The following EPHA10 variants were observed in gnomAD, a reference collection of about 807,000 sequenced individuals.
EPHA10 encodes ephrin type-A receptor 10.
Under a neutral mutation model 109.7 loss-of-function variants are expected in EPHA10, and 120 were observed. The observed-to-expected ratio is 1.09, with a 90% confidence interval of 0.94 to 1.27. The LOEUF (loss-of-function observed/expected upper bound fraction) is 1.27, where lower values mean the gene tolerates loss of function less well. Among genes scored for constraint, EPHA10 ranks in the 50% most tolerant of loss-of-function variants. EPHA10 has a pLI of 0.00. For synonymous variants in EPHA10, 640 were observed against 618.9 expected (o/e 1.03, Z -0.51); for missense variants, 1,396 against 1,411.1 (o/e 0.99, Z 0.17).
chr1:37,739,029 A>G (rs1337590970), intron 5 of EPHA10, among the ~76,000 whole-genome samples: 2 of 152,116 alleles, frequency 1.3e-5, no homozygotes, highest in East Asian at 1.9e-4. Context: ...GAGGGATAGC[A>G]GTAGGAGAAA....
At chr1:37,763,169 T>C (rs1646448055) in intron 1 of EPHA10, among the ~76,000 whole-genome samples, 1 of 152,206 alleles carries the variant, frequency 6.6e-6, no homozygotes, top group African/African-American at 2.4e-5. Context: ...CCAAAGCCAC[T>C]TTCACTGGTC....
chr1:37,716,276 C>G lies in EPHA10; in HGVS notation c.*2096G>C, dbSNP rs1326196587. On this transcript the variant is annotated 3_prime_UTR_variant, in exon 17 of 17. Coordinates refer to ENST00000373048, the MANE Select transcript of EPHA10 (RefSeq NM_001099439.2). The stretch of plus-strand genomic sequence containing the variant: ...TCTACCCTGGACACCGAAGTCCTGC[C>G]AACACAGCCAGGGGCCCTTCTGCAG... 3.9e-6 allele frequency: 1 copy of G among 259,038 alleles called. No homozygotes were observed. 16.0% of individuals were successfully genotyped at this position (259,038 alleles called of 1,614,324 possible).
Position 37,727,562 on chromosome 1 carries a change from C to T in EPHA10, c.1664-352G>A, listed in dbSNP as rs555763391. On this transcript the variant is annotated intron_variant, in intron 7 of 16. Coordinates refer to ENST00000373048, the MANE Select transcript of EPHA10 (RefSeq NM_001099439.2). ...ATGGCCTCTGCTCTGAGCTCCCTAC[C>T]CCCAGTCCAGACCATCCACCAACAA... Among the ~76,000 whole-genome samples, 5 of 152,308 alleles carry T rather than the reference C, an allele frequency of 3.3e-5. No individual in the cohort carries two copies. In the South Asian group the frequency reaches 8.3e-4, roughly 25 times the overall value.
At chr1:37,752,676 C>T (rs1317163037) in intron 5 of EPHA10, among the ~76,000 whole-genome samples, 200 bp downstream of exon 5, 2 of 151,932 alleles carry the variant, frequency 1.3e-5, no homozygotes, top group Admixed American at 1.3e-4. Flanking sequence ...CAGTCCCTCT[C>T]GCACACTCGG....
Position 37,762,787 on chromosome 1 carries a change from C to T in EPHA10, c.169G>A (p.Gly57Arg). Residue 57 changes from glycine (G) to arginine (R), a missense_variant and splice_region_variant, in exon 2 of 17, where the codon GGG (glycine) becomes AGG (arginine). Transcript: ENST00000373048. ...ELGWTALPSNGWEEISGVDEH... is the reference protein window; with the variant it reads ...ELGWTALPSNRWEEISGVDEH... ...GGGAGGGACACTTGTGCACTTACCC[C>T]ATTACTTGGCAGTGCAGTCCAGCCC... is the stretch of plus-strand genomic sequence containing the variant. 1 of 1,552,584 alleles carries T rather than the reference C, an allele frequency of 6.4e-7. No individual in the cohort carries two copies. The highest frequency in any genetic ancestry group is 8.7e-7 in the Non-Finnish European group (1 of 1,147,306).
intron 7 of EPHA10, among the ~76,000 whole-genome samples, chr1:37,729,789 C>G (rs530005793): frequency 6.6e-6 from 1 of 151,792 alleles, no homozygotes; most frequent in Non-Finnish European, 1.5e-5. Context: ...GGGAGGACCA[C>G]TTAAGCCTGG....
chr1:37,720,769 C>A lies in EPHA10; in HGVS notation c.2208+14G>T, dbSNP rs528144954. 1.8e-4 allele frequency: 295 copies of A among 1,613,786 alleles called. 5 individuals carry two copies. In the South Asian group the frequency reaches 3.0e-3, roughly 16 times the overall value. On this transcript the variant is annotated intron_variant, in intron 12 of 16. Transcript: ENST00000373048. ...CAGAATAAAGTGGTCATTGGCAGCC[C>A]CAGGGCCACTCACCCTGAGGAAGCC...
At position 37,765,060 on chromosome 1, in the gene EPHA10, T is replaced by C. The variant is rs772175881; in HGVS notation, c.7A>G (p.Thr3Ala). 4 of 1,598,050 alleles carry C rather than the reference T, an allele frequency of 2.5e-6. No individual in the cohort carries two copies. The Admixed American group carries it at 6.9e-5, about 28-fold the overall frequency. Residue 3 changes from threonine to alanine, a missense_variant, in exon 1 of 17, where the codon ACC (threonine) becomes GCC (alanine). Physicochemically the swap from Thr to Ala is moderately conservative, Grantham distance 58. Coordinates refer to ENST00000373048, the MANE Select transcript of EPHA10 (RefSeq NM_001099439.2). METCAGPHPLRLF... is the reference protein window; with the variant it reads MEACAGPHPLRLF... ...CGCAGCGGGTGTGGACCGGCGCAGGTCTCCATGGTCCGCAGACCGAGCTGT... is the reference window on the plus strand; with the variant it reads ...CGCAGCGGGTGTGGACCGGCGCAGGCCTCCATGGTCCGCAGACCGAGCTGT...
At chr1:37,718,629 C>G (rs929224755) in intron 16 of EPHA10, 32 bp downstream of exon 16, 1 of 1,613,076 alleles carries the variant, frequency 6.2e-7, no homozygotes. Flanking sequence ...AATCCCCCAG[C>G]CCCGGCCTTG....
At position 37,718,145 on chromosome 1, in the gene EPHA10, T is replaced by G. The variant is rs965165095; in HGVS notation, c.*227A>C. ...TATCTCAGGGGTCCTCCCTAGGGAT[T>G]TGAACCTCTTTTCAGGGGCACTGAG... On this transcript the variant is annotated 3_prime_UTR_variant, in exon 17 of 17. Coordinates refer to ENST00000373048, the MANE Select transcript of EPHA10 (RefSeq NM_001099439.2). The G allele has an allele frequency of 7.3e-6, 4 of 547,458 alleles. No homozygotes were observed. Among genetic ancestry groups the G allele is most frequent in the African/African-American group, 5.7e-5 (3 of 52,408 alleles). 33.9% of individuals were successfully genotyped at this position (547,458 alleles called of 1,614,324 possible).
At chr1:37,749,639 T>A (rs1434611698) in intron 5 of EPHA10, among the ~76,000 whole-genome samples, 5 of 151,758 alleles carry the variant, frequency 3.3e-5, no homozygotes, top group African/African-American at 4.8e-5. Context: ...AGCCATTGCA[T>A]TCCAGCCTGG....
At chr1:37,745,140 C>T (rs1646211332) in intron 5 of EPHA10, among the ~76,000 whole-genome samples, 3 of 152,192 alleles carry the variant, frequency 2.0e-5, no homozygotes, top group African/African-American at 7.2e-5. Context: ...TTTTGCAATA[C>T]ATTTGTTTTA....
chr1:37,754,239 C>T lies in EPHA10; in HGVS notation c.982G>A (p.Asp328Asn). 7.6e-7 allele frequency: 1 copy of T among 1,312,988 alleles called. No individual in the cohort carries two copies. Among genetic ancestry groups the T allele is most frequent in the Non-Finnish European group, 9.8e-7 (1 of 1,024,788 alleles). The allele number at this position is 1,312,988 out of a possible 1,614,324, so 81.3% of individuals were successfully genotyped here. ...CQDSYARSPT[D>N]PPSASCTRPP... ...CGGGTGCAGGAAGCCGAGGGCGGGT[C>T]GGTGGGTGAGCGCGCATAGCTGTCC... The change falls in exon 4 of 17, where the codon GAC (aspartate) becomes AAC (asparagine). Residue 328 changes from aspartate (D) to asparagine (N), a missense_variant. Coordinates refer to ENST00000373048, the MANE Select transcript of EPHA10 (RefSeq NM_001099439.2). This position sits in a 1 kb window ranked among gnomAD's most constrained non-coding sequence, Gnocchi z 4.5.
intron 5 of EPHA10, chr1:37,738,054 T>G (rs1036058148): frequency 1.4e-5 from 2 of 147,166 alleles, no homozygotes; most frequent in African/African-American, 5.0e-5. Flanking sequence ...TCAGACCAGC[T>G]TGAGTAGACA....
At position 37,735,270 on chromosome 1, in the gene EPHA10, C is replaced by G. The variant is rs201931535; in HGVS notation, c.1478G>C (p.Arg493Pro). The change falls in exon 6 of 17, where the codon CGA becomes CCA. Residue 493 changes from arginine to proline, a missense_variant. Arg to Pro is a moderately radical substitution (Grantham distance 103). Coordinates refer to ENST00000373048, the MANE Select transcript of EPHA10 (RefSeq NM_001099439.2). Reference sequence around the variant, plus strand: ...ACACGCACTCACCTTCTCGTAGTATCGGATCTCGTACTCCGTGTCATTGGC... The same window carrying G: ...ACACGCACTCACCTTCTCGTAGTATGGGATCTCGTACTCCGTGTCATTGGC... ...PGANDTEYEI[R>P]YYEKGQSEQT... 2 of 1,566,458 alleles carry G rather than the reference C, an allele frequency of 1.3e-6. No homozygotes were observed. Among genetic ancestry groups the G allele is most frequent in the East Asian group, 2.4e-5 (1 of 42,112 alleles).
intron 5 of EPHA10, among the ~76,000 whole-genome samples, chr1:37,739,035 A>G (rs1302772386): frequency 6.6e-6 from 1 of 152,138 alleles, no homozygotes; most frequent in Admixed American, 6.6e-5. Flanking sequence ...TAGCAGTAGG[A>G]GAAATACCTA....
intron 9 of EPHA10, 23 bp from the exon 10 acceptor site, chr1:37,723,189 T>C (rs1042053013): frequency 1.2e-6 from 2 of 1,609,232 alleles, no homozygotes; most frequent in Non-Finnish European, 1.7e-6. Context: ...GAGATGAGCC[T>C]GAGGAATGGG....
chr1:37,736,028 G>A (rs1646063788), intron 5 of EPHA10, among the ~76,000 whole-genome samples: 1 of 152,262 alleles, frequency 6.6e-6, no homozygotes, highest in East Asian at 1.9e-4. Flanking sequence ...GAAATAAAAG[G>A]CATCCAAACT....
intron 7 of EPHA10, among the ~76,000 whole-genome samples, chr1:37,728,554 G>A (rs991121072): frequency 9.9e-5 from 15 of 152,152 alleles, no homozygotes; most frequent in African/African-American, 3.4e-4. Context: ...CCAAGTCTGG[G>A]GACTAGCAGG....
Sources: gnomAD v4.1 joint callset for allele counts (sites outside exome capture counted in the v4.1 genomes callset) on GRCh38, gnomAD v4.1.1 for gene constraint, Gnocchi (gnomAD v3.1) non-coding constraint, MANE v1.5 for transcripts, NCBI Gene and HGNC (gene_info 2026-07-23, HGNC 2026-07-21) for gene names.